WNK1: variants seen among roughly 807,000 people sequenced by gnomAD.
WNK1 encodes serine/threonine-protein kinase WNK1.
Under a neutral mutation model 222.8 loss-of-function variants are expected in WNK1, and 38 were observed. That is an observed-to-expected ratio of 0.17 (90% CI 0.13 to 0.22). The LOEUF (loss-of-function observed/expected upper bound fraction) is 0.22, where lower values mean the gene tolerates loss of function less well. WNK1 is among the 10% of genes least tolerant of loss of function. The pLI, the probability that WNK1 is intolerant of heterozygous loss-of-function variation, is 1.00. For synonymous variants in WNK1, 1,090 were observed against 1,092.9 expected, an observed-to-expected ratio of 1.00 and a Z score of 0.05; for missense variants, 2,348 against 2,918.4, an observed-to-expected ratio of 0.80 and a Z score of 4.50.
intron 2 of WNK1, among the ~76,000 whole-genome samples, chr12:824,132 CCTGACCTCAGGTGATCCAT>C (rs1442168544): frequency 6.6e-6 from 1 of 151,706 alleles, no homozygotes; most frequent in Non-Finnish European, 1.5e-5. Flanking sequence ...GTCTTGAACT[CCTGACCTCAGGTGATCCAT>C]CCACCTCAGC....
Position 879,766 on chromosome 12 carries a change from C to A in WNK1, c.2567C>A (p.Thr856Lys), listed in dbSNP as rs778139234. 1.2e-5 allele frequency: 20 copies of A among 1,613,966 alleles called. No homozygotes were observed. The East Asian group carries it at 4.2e-4, about 34-fold the overall frequency. The change falls in exon 11 of 28, where the codon ACA becomes AAA. Residue 856 changes from threonine (T) to lysine (K), a missense_variant. This residue lies in a region of WNK1 where 547 missense variants were observed against 558.3 expected (regional missense o/e 0.98). Coordinates refer to ENST00000315939, the MANE Select transcript of WNK1 (RefSeq NM_018979.4). ...ACTCCTCATGTGTCTACGGCTCAGA[C>A]AGGTTTCTCATCCCTTCCCATCACA... Reference protein sequence around the residue: ...ISTPHVSTAQTGFSSLPITMA... With the variant: ...ISTPHVSTAQKGFSSLPITMA...
intron 1 of WNK1, among the ~76,000 whole-genome samples, chr12:799,072 C>G (rs1945621929): frequency 6.6e-6 from 1 of 152,052 alleles, no homozygotes. Flanking sequence ...AACTACTTGC[C>G]TGATATTTTA....
At chr12:853,449 C>G (rs1034028319) in intron 4 of WNK1, among the ~76,000 whole-genome samples, 2 of 152,144 alleles carry the variant, frequency 1.3e-5, no homozygotes, top group East Asian at 3.9e-4. Context: ...CCTTTATACT[C>G]AGAGGTAGCC....
chr12:845,774 T>G (rs1484918889), intron 4 of WNK1, among the ~76,000 whole-genome samples: 1 of 152,236 alleles, frequency 6.6e-6, no homozygotes, highest in South Asian at 2.1e-4. Context: ...GTGTCTCTTT[T>G]TATGTTAACC....
intron 8 of WNK1, among the ~76,000 whole-genome samples, chr12:865,566 A>AAT (rs1951592749): frequency 6.6e-6 from 1 of 152,188 alleles, no homozygotes; most frequent in Non-Finnish European, 1.5e-5. Flanking sequence ...AATGAGAGAG[A>AAT]ATACCTATAA....
chr12:871,452 A>G lies in WNK1; in HGVS notation c.2223+104A>G, dbSNP rs572459722. 3.6e-6 allele frequency: 4 copies of G among 1,125,764 alleles called. No homozygotes were observed. The African/African-American group carries it at 4.6e-5, about 13-fold the overall frequency. 69.7% of individuals were successfully genotyped at this position (1,125,764 alleles called of 1,614,324 possible). A position where few individuals can be genotyped will look rare whatever the true frequency, so the allele number is the denominator to read the frequency against. On this transcript the variant is annotated intron_variant, in intron 9 of 27. Coordinates refer to ENST00000315939, the MANE Select transcript of WNK1 (RefSeq NM_018979.4). ...AATGGCCTGCTAAGTTTTTGAAAGG[A>G]AAATTAAGAGGCATACCATGTCTTG...
chr12:797,399 T>C (rs1945414973), intron 1 of WNK1, among the ~76,000 whole-genome samples: 1 of 152,230 alleles, frequency 6.6e-6, no homozygotes, highest in South Asian at 2.1e-4. Context: ...AGTATTGTAA[T>C]GTAAAATTTC....
intron 4 of WNK1, among the ~76,000 whole-genome samples, chr12:850,517 G>C (rs1258047920): frequency 6.6e-6 from 1 of 151,924 alleles, no homozygotes; most frequent in African/African-American, 2.4e-5. Flanking sequence ...CATTCTGTAG[G>C]TTGCCTGTTC....
At chr12:787,635 C>CT (rs775820618) in intron 1 of WNK1, among the ~76,000 whole-genome samples, 1 of 152,068 alleles carries the variant, frequency 6.6e-6, no homozygotes, top group Non-Finnish European at 1.5e-5. Context: ...TAAAAAAAAT[C>CT]TTTATCTTTT....
intron 8 of WNK1, among the ~76,000 whole-genome samples, chr12:865,974 C>T (rs1234342598): frequency 6.6e-6 from 1 of 152,176 alleles, no homozygotes; most frequent in East Asian, 1.9e-4. Flanking sequence ...CTAATGAATG[C>T]ATTAGATGCA....
At chr12:890,609 T>G in intron 22 of WNK1, 96 bp downstream of exon 22, 2 of 1,260,964 alleles carry the variant, frequency 1.6e-6, no homozygotes, top group Non-Finnish European at 1.2e-6. Context: ...TTTCCACGTA[T>G]TTGATAACTG....
At chr12:820,784 G>A (rs1283773571) in intron 2 of WNK1, among the ~76,000 whole-genome samples, 5 of 151,864 alleles carry the variant, frequency 3.3e-5, no homozygotes, top group Non-Finnish European at 2.9e-5. Context: ...CCATTCTTTG[G>A]GATTTTTATA....
Position 777,450 on chromosome 12 carries a change from G to A in WNK1, c.759+23126G>A, listed in dbSNP as rs191375680. Reference sequence around the variant, plus strand: ...TGGGATTACAGGTGTGAGCCACCGCGCCCAGCCTGGAATTTTTAAGTAGCT... The same window carrying A: ...TGGGATTACAGGTGTGAGCCACCGCACCCAGCCTGGAATTTTTAAGTAGCT... On this transcript the variant is annotated intron_variant, in intron 1 of 27. Transcript: ENST00000315939. 4.4e-3 allele frequency among the ~76,000 whole-genome samples: 673 copies of A among 152,164 alleles called. 5 individuals carry two copies. The highest frequency in any genetic ancestry group is 0.015 in the African/African-American group (613 of 41,520).
chr12:904,398 T>G, intron 26 of WNK1: 2 of 1,268,708 alleles, frequency 1.6e-6, no homozygotes, highest in Non-Finnish European at 2.1e-6. Context: ...ATTCTAAATA[T>G]TTTACACTGA....
intron 9 of WNK1, among the ~76,000 whole-genome samples, chr12:872,686 G>A (rs1952258387): frequency 6.6e-6 from 1 of 152,184 alleles, no homozygotes; most frequent in Admixed American, 6.5e-5. Flanking sequence ...ACTTCCTAAT[G>A]TTAGTTCCCC....
At chr12:866,366 A>T (rs1293938683) in intron 8 of WNK1, among the ~76,000 whole-genome samples, 1 of 152,134 alleles carries the variant, frequency 6.6e-6, no homozygotes, top group Non-Finnish European at 1.5e-5. Context: ...TTATTTACTT[A>T]TTTATTTATG....
At position 827,015 on chromosome 12, in the gene WNK1, T is replaced by C; in HGVS notation, c.933-27T>C. 7 of 1,579,930 alleles carry C rather than the reference T, an allele frequency of 4.4e-6. No homozygotes were observed. The highest frequency in any genetic ancestry group is 6.1e-6 in the Non-Finnish European group (7 of 1,150,798). On this transcript the variant is annotated intron_variant, in intron 2 of 27. Transcript: ENST00000315939. This position sits in a 1 kb window ranked among gnomAD's most constrained non-coding sequence, Gnocchi z 4.6. ...GCAACAAACTCCTATCATTGATAAC[T>C]TGTTTGGTATACTTTGCTTTTTCTA...
intron 4 of WNK1, among the ~76,000 whole-genome samples, chr12:842,755 GT>G (rs1949724005): frequency 6.6e-6 from 1 of 152,098 alleles, no homozygotes. Flanking sequence ...CTCAGCAACT[GT>G]TTTCTTGATC....
intron 1 of WNK1, among the ~76,000 whole-genome samples, chr12:807,293 G>GTTT (rs71051387): frequency 1.6e-5 from 2 of 128,842 alleles, no homozygotes; most frequent in Non-Finnish European, 3.3e-5. Context: ...CCCTGTCTCT[G>GTTT]TTTTTTTTTT....
Sources: allele counts gnomAD v4.1 joint callset (sites outside exome capture counted in the v4.1 genomes callset), GRCh38; gene constraint gnomAD v4.1.1; regional missense constraint gnomAD v4.1.1; non-coding constraint Gnocchi (gnomAD v3.1); transcripts MANE v1.5; gene names NCBI Gene and HGNC (gene_info 2026-07-23, HGNC 2026-07-21).